The following PHACTR1 variants were observed in gnomAD, a reference collection of about 807,000 sequenced individuals.
PHACTR1 encodes phosphatase and actin regulator 1.
PHACTR1 carries 16 observed loss-of-function variants against 69.2 expected under a neutral mutation model. The ratio of observed to expected loss-of-function variants is 0.23; its 90% CI spans 0.16 to 0.35. PHACTR1 has a LOEUF of 0.35. PHACTR1 is among the 10% of genes least tolerant of loss of function. The pLI is 1.00. For synonymous variants in PHACTR1, 312 were observed against 284.5 expected (o/e 1.10, Z -0.97); for missense variants, 510 against 734.7 (o/e 0.69, Z 3.54).
At chr6:13,285,344 T>C (rs985401265) in intron 13 of PHACTR1, among the ~76,000 whole-genome samples, 2 of 152,122 alleles carry the variant, frequency 1.3e-5, no homozygotes, top group Non-Finnish European at 2.9e-5. Context: ...AAGACTTTTC[T>C]CTCCTCAAAC....
At chr6:13,171,927 G>A (rs1178912429) in intron 6 of PHACTR1, among the ~76,000 whole-genome samples, 2 of 152,120 alleles carry the variant, frequency 1.3e-5, no homozygotes, top group African/African-American at 2.4e-5. Context: ...CACCATGCCC[G>A]GCTAATTTTT....
At chr6:13,268,418 C>T (rs1436179474) in intron 10 of PHACTR1, among the ~76,000 whole-genome samples, 1 of 152,212 alleles carries the variant, frequency 6.6e-6, no homozygotes, top group Non-Finnish European at 1.5e-5. Flanking sequence ...AAGATGTCCA[C>T]ATCCTCATCC....
chr6:13,203,133 A>G (rs1378246401), intron 7 of PHACTR1, among the ~76,000 whole-genome samples: 3 of 152,172 alleles, frequency 2.0e-5, no homozygotes, highest in Non-Finnish European at 4.4e-5. Context: ...TCAGGCTCAC[A>G]TCTCCCTCCT....
At chr6:12,883,372 G>A (rs1034461140) in intron 4 of PHACTR1, among the ~76,000 whole-genome samples, 2 of 151,884 alleles carry the variant, frequency 1.3e-5, no homozygotes, top group East Asian at 1.9e-4. Context: ...CCGCCACCAC[G>A]CCCAGCTAAT....
intron 4 of PHACTR1, among the ~76,000 whole-genome samples, chr6:12,864,636 C>T (rs775023867): frequency 1.1e-4 from 16 of 150,908 alleles, no homozygotes; most frequent in Non-Finnish European, 1.8e-4. Context: ...GCTGAGATTG[C>T]GCCACTGAAC....
chr6:13,090,853 G>A (rs1459116900), intron 5 of PHACTR1, among the ~76,000 whole-genome samples: 1 of 152,028 alleles, frequency 6.6e-6, no homozygotes, highest in Non-Finnish European at 1.5e-5. Context: ...TGCAGACTGG[G>A]GGCAGCAGAT....
In PHACTR1 at chr6:13,287,087, T is replaced by G. The variant is rs765344529; in HGVS notation, c.*9T>G. On this transcript the variant is annotated 3_prime_UTR_variant, in exon 15 of 15. Transcript: ENST00000332995. ...GGTTTCACCGACCTTAACAGTCGAA[T>G]TCCTCTTGAGTGCTATGCTGTCTTC... 6.2e-7 allele frequency: 1 copy of G among 1,604,360 alleles called. No homozygotes were observed. Among genetic ancestry groups the G allele is most frequent in the African/African-American group, 1.3e-5 (1 of 74,996 alleles).
intron 4 of PHACTR1, among the ~76,000 whole-genome samples, chr6:12,825,524 A>G (rs1345502867): frequency 6.6e-6 from 1 of 152,224 alleles, no homozygotes; most frequent in African/African-American, 2.4e-5. Context: ...AGTTTGTGTT[A>G]ATACAGCCAA....
At chr6:12,859,899 G>C (rs954100292) in intron 4 of PHACTR1, among the ~76,000 whole-genome samples, 4 of 152,106 alleles carry the variant, frequency 2.6e-5, no homozygotes, top group African/African-American at 7.2e-5. Flanking sequence ...TTCTGCAGAA[G>C]GTTTTTAGAG....
At chr6:12,800,666 G>T (rs897902552) in intron 4 of PHACTR1, among the ~76,000 whole-genome samples, 7 of 152,116 alleles carry the variant, frequency 4.6e-5, no homozygotes, top group African/African-American at 1.4e-4. Context: ...AGGACAGATT[G>T]CTTGAGGACA....
At chr6:13,092,252 C>T (rs998103486) in intron 5 of PHACTR1, among the ~76,000 whole-genome samples, 1 of 152,232 alleles carries the variant, frequency 6.6e-6, no homozygotes, top group East Asian at 1.9e-4. Context: ...TAACAGGCCA[C>T]AGACCAGTCC....
At chr6:12,801,854 C>A (rs568328998) in intron 4 of PHACTR1, among the ~76,000 whole-genome samples, 1 of 152,098 alleles carries the variant, frequency 6.6e-6, no homozygotes, top group Non-Finnish European at 1.5e-5. Context: ...GGTCCTCTTG[C>A]AACATTTCAG....
intron 4 of PHACTR1, among the ~76,000 whole-genome samples, chr6:12,982,429 C>T (rs1795632261): frequency 6.6e-6 from 1 of 152,200 alleles, no homozygotes; most frequent in Non-Finnish European, 1.5e-5. Context: ...GCCTGTAATC[C>T]CAATACTTTG....
intron 4 of PHACTR1, among the ~76,000 whole-genome samples, chr6:12,864,898 CCA>C (rs1261872214): frequency 2.0e-5 from 3 of 152,144 alleles, no homozygotes; most frequent in African/African-American, 7.2e-5. Flanking sequence ...CATTTATAAT[CCA>C]CTTCATTCTC....
chr6:13,049,569 A>G lies in PHACTR1; in HGVS notation c.251-3796A>G, dbSNP rs77659303. 1.1e-3 allele frequency among the ~76,000 whole-genome samples: 170 copies of G among 152,290 alleles called. 1 individual carries two copies. In the East Asian group the frequency reaches 0.031, roughly 27 times the overall value. ...TCAAAGAATGATAGGAAATCTTCCA[A>G]CCAAATGCAGATACCCATCCCCTTG... On this transcript the variant is annotated intron_variant, in intron 4 of 14. Coordinates refer to ENST00000332995, the MANE Select transcript of PHACTR1 (RefSeq NM_030948.6).
At chr6:12,856,923 G>A (rs1269612683) in intron 4 of PHACTR1, among the ~76,000 whole-genome samples, 2 of 152,204 alleles carry the variant, frequency 1.3e-5, no homozygotes, top group African/African-American at 2.4e-5. Flanking sequence ...CCCTGCAGCG[G>A]CAAGGAAAAT....
chr6:13,009,255 A>G (rs565230889), intron 4 of PHACTR1, among the ~76,000 whole-genome samples: 1 of 152,254 alleles, frequency 6.6e-6, no homozygotes, highest in Admixed American at 6.5e-5. Context: ...TCACACTCAC[A>G]TGTTCCAGGT....
At chr6:12,885,360 G>A (rs1049328965) in intron 4 of PHACTR1, among the ~76,000 whole-genome samples, 2 of 152,204 alleles carry the variant, frequency 1.3e-5, no homozygotes, top group Non-Finnish European at 2.9e-5. Context: ...ATTTATTAAC[G>A]TGGGTTTTCC....
intron 4 of PHACTR1, among the ~76,000 whole-genome samples, chr6:13,036,362 T>C (rs1030526494): frequency 1.3e-5 from 2 of 152,350 alleles, no homozygotes; most frequent in Admixed American, 6.5e-5. Flanking sequence ...TTCATGTCAA[T>C]AATGAGAGCT....
Sources: allele counts gnomAD v4.1 joint callset (sites outside exome capture counted in the v4.1 genomes callset), GRCh38; gene constraint gnomAD v4.1.1; transcripts MANE v1.5; gene names NCBI Gene and HGNC (gene_info 2026-07-23, HGNC 2026-07-21).